Variants in EXOC3L2 observed in about 807,000 individuals in gnomAD.
EXOC3L2 encodes the protein exocyst complex component 3-like protein 2.
Under a neutral mutation model 44.4 loss-of-function variants are expected in EXOC3L2, and 17 were observed. That is an observed-to-expected ratio of 0.38 (90% CI 0.26 to 0.57). The LOEUF (loss-of-function observed/expected upper bound fraction) is 0.57, where lower values mean the gene tolerates loss of function less well. Among genes scored for constraint, EXOC3L2 ranks in the 20% least tolerant of loss-of-function variants. EXOC3L2 has a pLI of 0.65. For synonymous variants in EXOC3L2, 256 were observed against 253.7 expected (o/e 1.01, Z -0.09); for missense variants, 541 against 588.4 (o/e 0.92, Z 0.83).
chr19:45,232,826 G>A (rs934068940), intron 3 of EXOC3L2, among the ~76,000 whole-genome samples: 6 of 152,090 alleles, frequency 3.9e-5, no homozygotes, highest in Non-Finnish European at 8.8e-5. Context: ...ACCTGTAATC[G>A]AAGCACTTTG....
intron 8 of EXOC3L2, among the ~76,000 whole-genome samples, chr19:45,219,250 C>T (rs2122960488): frequency 6.6e-6 from 1 of 151,596 alleles, no homozygotes; most frequent in South Asian, 2.1e-4. Flanking sequence ...TAAAAATTAG[C>T]TGGGTATGGT....
intron 1 of EXOC3L2, among the ~76,000 whole-genome samples, chr19:45,239,306 C>T (rs1174320451): frequency 6.6e-6 from 1 of 151,034 alleles, no homozygotes; most frequent in Non-Finnish European, 1.5e-5. Flanking sequence ...CAAGCTCCGC[C>T]TCCCGGGTTC....
rs931609405 is a variant in EXOC3L2, at chr19:45,239,003, G to T, written c.43C>A (p.Pro15Thr). 1.0e-5 allele frequency: 4 copies of T among 399,114 alleles called. No individual in the cohort carries two copies. Among genetic ancestry groups the T allele is most frequent in the Admixed American group, 8.8e-5 (2 of 22,736 alleles). 24.7% of individuals were successfully genotyped at this position (399,114 alleles called of 1,614,324 possible). A position where few individuals can be genotyped will look rare whatever the true frequency, so the allele number is the denominator to read the frequency against. Residue 15 changes from proline (P) to threonine (T), a missense_variant, in exon 2 of 12, where the codon CCC (proline) becomes ACC (threonine). Transcript: ENST00000413988. ...KNLGVSDPKV[P>T]RAGTLPLRSS... is the part of the protein sequence containing the mutation. ...CTCAGGGGCAGGGTCCCCGCCCGGG[G>T]CACCTTAGGGTCTGACACTCCCAGA...
chr19:45,235,497 G>T (rs1205805524), intron 2 of EXOC3L2, among the ~76,000 whole-genome samples: 1 of 151,988 alleles, frequency 6.6e-6, no homozygotes, highest in African/African-American at 2.4e-5. Context: ...CTTGGAGATG[G>T]GGAGAGGATA....
rs1049193330 is a variant in EXOC3L2 at position 45,212,960 on chromosome 19, T to C, written c.*109A>G. ...GTGAAAAGACATCTAAGGGTCTTTCTATCCCAGGGGTGTGTGGTCCCAGGC... is the reference window on the plus strand; with the variant it reads ...GTGAAAAGACATCTAAGGGTCTTTCCATCCCAGGGGTGTGTGGTCCCAGGC... On this transcript the variant is annotated 3_prime_UTR_variant, in exon 12 of 12. Transcript: ENST00000413988. 4.8e-6 allele frequency: 6 copies of C among 1,257,904 alleles called. No individual in the cohort carries two copies. Among genetic ancestry groups the C allele is most frequent in the Non-Finnish European group, 6.2e-6 (6 of 960,412 alleles). 77.9% of individuals were successfully genotyped at this position (1,257,904 alleles called of 1,614,324 possible). A position where few individuals can be genotyped will look rare whatever the true frequency, so the allele number is the denominator to read the frequency against.
Position 45,228,076 on chromosome 19 carries a change from T to C in EXOC3L2, c.1372-2A>G. 6.2e-7 allele frequency: 1 copy of C among 1,614,112 alleles called. No homozygotes were observed. The highest frequency in any genetic ancestry group is 8.5e-7 in the Non-Finnish European group (1 of 1,180,014). Reference sequence around the variant, plus strand: ...TCGCTCTGTGTGCTCTTCCAGCAGCTGTGAGGTCCAGGGCGACAAGAAGAG... The same window carrying C: ...TCGCTCTGTGTGCTCTTCCAGCAGCCGTGAGGTCCAGGGCGACAAGAAGAG... On this transcript the variant is annotated splice_acceptor_variant, in intron 5 of 11. Transcript: ENST00000413988. LOFTEE classifies it high-confidence loss of function.
rs977336811 is a variant in EXOC3L2 at position 45,234,330 on chromosome 19, G to C, written c.1020C>G (p.Ala340=). 2.2e-5 allele frequency: 8 copies of C among 370,168 alleles called. No homozygotes were observed. Among genetic ancestry groups the C allele is most frequent in the Non-Finnish European group, 3.4e-5 (7 of 207,866 alleles). The allele number at this position is 370,168 out of a possible 1,614,324, so 22.9% of individuals were successfully genotyped here. ...VRGRLAPAYP[A]GLGAFGVYLR... ...GGTAGACGCCGAAGGCGCCCAGGCCGGCGGGGTAGGCGGGCGCCAGGCGGC... is the reference window on the plus strand; with the variant it reads ...GGTAGACGCCGAAGGCGCCCAGGCCCGCGGGGTAGGCGGGCGCCAGGCGGC... The change falls in exon 3 of 12, where the codon GCC becomes GCG. Residue 340 remains alanine (A), a synonymous_variant. Coordinates refer to ENST00000413988, the MANE Select transcript of EXOC3L2 (RefSeq NM_001382422.1). The surrounding 1 kb of genome is among the most constrained non-coding windows in gnomAD (Gnocchi z 5.0).
At position 45,217,568 on chromosome 19, in the gene EXOC3L2, C is replaced by A. The variant is rs371811745; in HGVS notation, c.1958G>T (p.Arg653Leu). 1.3e-6 allele frequency: 2 copies of A among 1,556,824 alleles called. No homozygotes were observed. The highest frequency in any genetic ancestry group is 2.5e-5 in the East Asian group (1 of 40,348). ...CCTCTGCAGTTGCGCCGCGTCCTCC[C>A]GGAGCCTGCCGGCCACGCGGCTGCG... ...RTRSRVAGRLREDAAQLQRLF... is the reference protein window; with the variant it reads ...RTRSRVAGRLLEDAAQLQRLF... Residue 653 changes from arginine to leucine, a missense_variant, in exon 10 of 12, where the codon CGG becomes CTG. Transcript: ENST00000413988.
chr19:45,236,497 G>A (rs1970085559), intron 2 of EXOC3L2, among the ~76,000 whole-genome samples: 4 of 145,316 alleles, frequency 2.8e-5, no homozygotes, highest in Admixed American at 2.7e-4. Context: ...AAAGATTGAT[G>A]TGAGTTTGAA....
Position 45,218,419 on chromosome 19 carries a change from C to T in EXOC3L2, c.1720-100G>A, listed in dbSNP as rs997902016. ...AACCCTGCTCCGTGTTGAACCAGGG[C>T]TGTGCGGTGCTGGGAACACAAGGGG... On this transcript the variant is annotated intron_variant, in intron 8 of 11. Coordinates refer to ENST00000413988, the MANE Select transcript of EXOC3L2 (RefSeq NM_001382422.1). 8 of 1,372,140 alleles carry T rather than the reference C, an allele frequency of 5.8e-6. No individual in the cohort carries two copies. The African/African-American group carries it at 1.0e-4, about 18-fold the overall frequency. The allele number at this position is 1,372,140 out of a possible 1,614,324, so 85.0% of individuals were successfully genotyped here.
chr19:45,223,758 G>A (rs1364866532), intron 8 of EXOC3L2, among the ~76,000 whole-genome samples: 2 of 151,066 alleles, frequency 1.3e-5, no homozygotes, highest in African/African-American at 2.4e-5. Flanking sequence ...TTGGGAGGCC[G>A]AGGTGGGCAG....
intron 4 of EXOC3L2, among the ~76,000 whole-genome samples, chr19:45,230,465 G>A (rs919316508): frequency 5.3e-5 from 8 of 152,000 alleles, no homozygotes; most frequent in Admixed American, 2.0e-4. Flanking sequence ...TGATCCACCC[G>A]CCTCGGCCTC....
intron 8 of EXOC3L2, among the ~76,000 whole-genome samples, chr19:45,222,085 A>G (rs978724571): frequency 1.3e-5 from 2 of 151,540 alleles, no homozygotes; most frequent in African/African-American, 2.4e-5. Flanking sequence ...CACACGGCGC[A>G]CACACACACA....
At chr19:45,241,477 C>CAAAAA (rs554632176) in intron 1 of EXOC3L2, among the ~76,000 whole-genome samples, 8 of 94,664 alleles carry the variant, frequency 8.5e-5, no homozygotes, top group East Asian at 8.8e-4. Context: ...GACTCCATCT[C>CAAAAA]AAAAAAAAAA....
rs1028302749 is a variant in EXOC3L2, at chr19:45,217,578, C to T, written c.1948G>A (p.Gly650Ser). 1.1e-5 allele frequency: 17 copies of T among 1,548,092 alleles called. No individual in the cohort carries two copies. The highest frequency in any genetic ancestry group is 1.9e-5 in the Admixed American group (1 of 52,656). The change falls in exon 10 of 12, where the codon GGC (glycine) becomes AGC (serine). Residue 650 changes from glycine (G) to serine (S), a missense_variant. Gly to Ser is a moderately conservative substitution (Grantham distance 56). Transcript: ENST00000413988. ...TGCGCCGCGTCCTCCCGGAGCCTGCCGGCCACGCGGCTGCGGGTCCGCGCC... is the reference window on the plus strand; with the variant it reads ...TGCGCCGCGTCCTCCCGGAGCCTGCTGGCCACGCGGCTGCGGGTCCGCGCC... ...SSARTRSRVA[G>S]RLREDAAQLQ... is the part of the protein sequence containing the mutation.
chr19:45,229,188 AATTAAATATATACATATATTTATGT>A (rs11267990), intron 4 of EXOC3L2, among the ~76,000 whole-genome samples: 15 of 145,468 alleles, frequency 1.0e-4, no homozygotes, highest in East Asian at 2.0e-4. Context: ...GTGTGTGTAT[AATTAAATATATACATATATTTATGT>A]ATTAAATATA....
In EXOC3L2 at chr19:45,218,328, G is replaced by T; in HGVS notation, c.1720-9C>A. 1 of 1,596,622 alleles carries T rather than the reference G, an allele frequency of 6.3e-7. No individual in the cohort carries two copies. The highest frequency in any genetic ancestry group is 1.1e-5 in the South Asian group (1 of 88,800). On this transcript the variant is annotated splice_polypyrimidine_tract_variant and intron_variant, in intron 8 of 11. Coordinates refer to ENST00000413988, the MANE Select transcript of EXOC3L2 (RefSeq NM_001382422.1). ...AGCTTGTTGAAGTGTGGCTGGCAGG[G>T]ACAGAGTAGGGGGTCACGCTCTCCT...
At chr19:45,240,800 A>T (rs1027534585) in intron 1 of EXOC3L2, among the ~76,000 whole-genome samples, 3 of 152,158 alleles carry the variant, frequency 2.0e-5, no homozygotes, top group Non-Finnish European at 4.4e-5. Context: ...GCTACTCGGG[A>T]GGCTGAGGCA....
intron 1 of EXOC3L2, among the ~76,000 whole-genome samples, chr19:45,243,869 C>G (rs1006624717): frequency 2.6e-5 from 4 of 151,908 alleles, no homozygotes; most frequent in African/African-American, 9.7e-5. Context: ...ACCTTGTGAT[C>G]CGCCTGTTTC....
Sources: allele counts gnomAD v4.1 joint callset (sites outside exome capture counted in the v4.1 genomes callset), GRCh38; gene constraint gnomAD v4.1.1; non-coding constraint Gnocchi (gnomAD v3.1); transcripts MANE v1.5; gene names NCBI Gene and HGNC (gene_info 2026-07-23, HGNC 2026-07-21).